NFIB: variants seen among roughly 807,000 people sequenced by gnomAD.
NFIB encodes nuclear factor I B, also known as nuclear factor 1 B-type.
In NFIB, 11 loss-of-function variants were observed where a neutral mutation model predicts 61.5. The ratio of observed to expected loss-of-function variants is 0.18; its 90% CI spans 0.11 to 0.30. The LOEUF (loss-of-function observed/expected upper bound fraction) is 0.30. Among genes scored for constraint, NFIB ranks in the 10% least tolerant of loss-of-function variants. The probability of loss-of-function intolerance (pLI) is 1.00; values close to 1 mark genes in which losing one functional copy is unlikely to be tolerated. For missense variants in NFIB, 471 were observed against 608.9 expected, an observed-to-expected ratio of 0.77 and a Z score of 2.38; for synonymous variants, 260 against 216.5, an observed-to-expected ratio of 1.20 and a Z score of -1.76.
chr9:14,509,564 CAGAT>C, the NFIB span, among the ~76,000 whole-genome samples: 1 of 152,186 alleles, frequency 6.6e-6, no homozygotes, highest in Non-Finnish European at 1.5e-5. Flanking sequence ...GCAAGTTTCA[CAGAT>C]AGCCTGTACT....
intron 1 of NFIB, among the ~76,000 whole-genome samples, chr9:14,346,096 G>A (rs555971147): frequency 6.6e-6 from 1 of 152,290 alleles, no homozygotes; most frequent in South Asian, 2.1e-4. Context: ...CGGGACCTGT[G>A]CTAAGCCACG....
At chr9:14,483,456 G>A in the NFIB span, among the ~76,000 whole-genome samples, 1 of 152,180 alleles carries the variant, frequency 6.6e-6, no homozygotes. Flanking sequence ...CACATTTCAG[G>A]ACGCTTCCCT....
At chr9:14,240,251 CTCTCTCCCTCTCTCTT>C (rs559518958) in intron 2 of NFIB, among the ~76,000 whole-genome samples, 140 of 152,012 alleles carry the variant, frequency 9.2e-4, no homozygotes, top group Non-Finnish European at 1.6e-3. Context: ...CCATCTCTCC[CTCTCTCCCTCTCTCTT>C]TCTCTCCCTC....
In NFIB at chr9:14,327,643, G is replaced by GT. The variant is rs2060771986; in HGVS notation, c.109-20124dup. 2.0e-5 allele frequency among the ~76,000 whole-genome samples: 3 copies of GT among 152,158 alleles called. No homozygotes were observed. In the South Asian group the frequency reaches 6.2e-4, roughly 32 times the overall value. The stretch of plus-strand genomic sequence containing the variant: ...GAAAAGAGTAGCCTTCCCATGGGGT[G>GT]TTTTGAAAACCTTCAAATAAACTCT... On this transcript the variant is annotated intron_variant, in intron 1 of 8. Transcript: ENST00000380934.
the NFIB span, among the ~76,000 whole-genome samples, chr9:14,463,949 G>T: frequency 6.6e-6 from 1 of 152,186 alleles, no homozygotes; most frequent in Non-Finnish European, 1.5e-5. Context: ...CGTGAGCCAG[G>T]GCGCCTGGCC....
At chr9:14,407,319 TC>T in the NFIB span, among the ~76,000 whole-genome samples, 3 of 152,212 alleles carry the variant, frequency 2.0e-5, no homozygotes, top group South Asian at 6.2e-4. Context: ...CATAATAGAA[TC>T]AAATATTGTC....
At chr9:14,442,749 T>C in the NFIB span, among the ~76,000 whole-genome samples, 1 of 152,192 alleles carries the variant, frequency 6.6e-6, no homozygotes. Flanking sequence ...AAAGACTCTC[T>C]GAATAAGGTC....
chr9:14,232,658 C>T (rs1431809824), intron 2 of NFIB, among the ~76,000 whole-genome samples: 2 of 152,154 alleles, frequency 1.3e-5, no homozygotes, highest in African/African-American at 4.8e-5. Flanking sequence ...GTGTTAAATT[C>T]TTTTCTAAGA....
chr9:14,499,788 A>T, the NFIB span, among the ~76,000 whole-genome samples: 1 of 152,162 alleles, frequency 6.6e-6, no homozygotes, highest in African/African-American at 2.4e-5. Flanking sequence ...GGACTCTGCC[A>T]TTAGAAATGG....
chr9:14,220,924 C>T (rs1415513510), intron 2 of NFIB, among the ~76,000 whole-genome samples: 1 of 151,448 alleles, frequency 6.6e-6, no homozygotes, highest in Non-Finnish European at 1.5e-5. Context: ...CACCCCCTCC[C>T]AAGGAGAGTT....
At chr9:14,204,722 A>C in intron 2 of NFIB, 2 of 590,948 alleles carry the variant, frequency 3.4e-6, no homozygotes, top group Non-Finnish European at 6.1e-6. Flanking sequence ...GATTGCATAC[A>C]ACATGGATCC....
chr9:14,383,106 A>G (rs2061507280), intron 1 of NFIB, among the ~76,000 whole-genome samples: 1 of 152,226 alleles, frequency 6.6e-6, no homozygotes, highest in Non-Finnish European at 1.5e-5. Context: ...ATGAAAGGTA[A>G]TAGGTTCACT....
At position 14,125,788 on chromosome 9, in the gene NFIB, C is replaced by G. The variant is rs768063816; in HGVS notation, c.926-22G>C. 20 of 1,611,616 alleles carry G rather than the reference C, an allele frequency of 1.2e-5. No individual in the cohort carries two copies. The East Asian group carries it at 4.0e-4, about 32-fold the overall frequency. On this transcript the variant is annotated intron_variant, in intron 6 of 10. Coordinates refer to ENST00000380953, the MANE Select transcript of NFIB (RefSeq NM_001190737.2). Reference sequence around the variant, plus strand: ...ATATCTGCGAGAAACAGAGAAAAACCCAAAGCTCCATGACTTTCTTAAGCT... The same window carrying G: ...ATATCTGCGAGAAACAGAGAAAAACGCAAAGCTCCATGACTTTCTTAAGCT...
the NFIB span, among the ~76,000 whole-genome samples, chr9:14,472,084 G>A: frequency 2.9e-3 from 449 of 152,292 alleles, 3 homozygotes; most frequent in African/African-American, 0.01. Context: ...GAGAGATCGC[G>A]CAGAACAATT....
intron 2 of NFIB, chr9:14,180,626 T>C (rs1053646714): frequency 1.3e-5 from 2 of 152,272 alleles, no homozygotes; most frequent in African/African-American, 4.8e-5. Flanking sequence ...TCCATTTATC[T>C]GTGTCATTTG....
At chr9:14,415,829 A>G in the NFIB span, among the ~76,000 whole-genome samples, 7 of 152,200 alleles carry the variant, frequency 4.6e-5, no homozygotes, top group Non-Finnish European at 5.9e-5. Context: ...ACACCCCCGT[A>G]TGGTACAGGC....
chr9:14,233,434 T>TC (rs1292548865), intron 2 of NFIB, among the ~76,000 whole-genome samples: 1 of 148,438 alleles, frequency 6.7e-6, no homozygotes, highest in East Asian at 1.9e-4. Context: ...TTTTTTTTTT[T>TC]TTTTTTTTTT....
the NFIB span, among the ~76,000 whole-genome samples, chr9:14,425,607 A>ATTTTTTT: frequency 5.0e-5 from 5 of 99,036 alleles, no homozygotes; most frequent in East Asian, 3.1e-4. Flanking sequence ...TTGCTACATA[A>ATTTTTTT]TTTTTTTTTT....
chr9:14,173,232 G>A (rs540660589), intron 3 of NFIB, among the ~76,000 whole-genome samples: 15 of 152,152 alleles, frequency 9.9e-5, no homozygotes, highest in East Asian at 1.9e-4. Context: ...TGCACAAAGC[G>A]GTTGGCTGAC....
Sources: gnomAD v4.1 joint callset for allele counts (sites outside exome capture counted in the v4.1 genomes callset) on GRCh38, gnomAD v4.1.1 for gene constraint, MANE v1.5 for transcripts, NCBI Gene and HGNC (gene_info 2026-07-23, HGNC 2026-07-21) for gene names.